The following PAFAH1B1 variants were observed in gnomAD, a reference collection of about 807,000 sequenced individuals.
The protein encoded by PAFAH1B1 is platelet-activating factor acetylhydrolase IB subunit beta.
In PAFAH1B1, 2 loss-of-function variants were observed where a neutral mutation model predicts 57.5. That is an observed-to-expected ratio of 0.03 (90% CI 0.01 to 0.11). The LOEUF (loss-of-function observed/expected upper bound fraction) is 0.11, where lower values mean the gene tolerates loss of function less well. PAFAH1B1 is among the 10% of genes least tolerant of loss of function. The pLI is 1.00. For missense variants in PAFAH1B1, 257 were observed against 512.0 expected (o/e 0.50, Z 4.81); for synonymous variants, 152 against 169.6 (o/e 0.90, Z 0.81).
chr17:2,660,178 A>T (rs189018167), intron 2 of PAFAH1B1, among the ~76,000 whole-genome samples: 1 of 149,944 alleles, frequency 6.7e-6, no homozygotes, highest in East Asian at 2.0e-4. Flanking sequence ...AATGCATGTT[A>T]TCTCCATTGC....
In PAFAH1B1 at chr17:2,680,279, T is replaced by C. The variant is rs2069360824; in HGVS notation, c.1118T>C (p.Met373Thr). 1.2e-6 allele frequency: 2 copies of C among 1,614,042 alleles called. No homozygotes were observed. Among genetic ancestry groups the C allele is most frequent in the Non-Finnish European group, 1.7e-6 (2 of 1,180,018 alleles). ...TGGGATTACAAGAACAAGCGATGCA[T>C]GAAGACCCTCAATGCGCATGAACAC... is the stretch of plus-strand genomic sequence containing the variant. Reference protein sequence around the residue: ...RVWDYKNKRCMKTLNAHEHFV... With the variant: ...RVWDYKNKRCTKTLNAHEHFV... The change falls in exon 10 of 11, where the codon ATG becomes ACG. Residue 373 changes from methionine (M) to threonine (T), a missense_variant. Physicochemically the swap from Met to Thr is moderately conservative, Grantham distance 81. Transcript: ENST00000397195.
At chr17:2,600,760 C>T (rs981308010) in intron 1 of PAFAH1B1, among the ~76,000 whole-genome samples, 10 of 152,074 alleles carry the variant, frequency 6.6e-5, no homozygotes, top group African/African-American at 1.9e-4. Flanking sequence ...GACGGACTCT[C>T]GCTGTGTTGC....
intron 2 of PAFAH1B1, among the ~76,000 whole-genome samples, chr17:2,657,650 AC>A (rs1222868023): frequency 3.9e-5 from 6 of 152,192 alleles, no homozygotes; most frequent in African/African-American, 2.4e-5. Flanking sequence ...GGTAATACTT[AC>A]TATTTCCTTT....
chr17:2,655,241 T>A (rs184906744), intron 2 of PAFAH1B1, among the ~76,000 whole-genome samples: 1 of 151,912 alleles, frequency 6.6e-6, no homozygotes, highest in Non-Finnish European at 1.5e-5. Flanking sequence ...TGTAGGCATC[T>A]ATAAAGATGA....
At position 2,652,287 on chromosome 17, in the gene PAFAH1B1, T is replaced by A. The variant is rs7223817; in HGVS notation, c.33-13085T>A. On this transcript the variant is annotated intron_variant, in intron 2 of 10. Transcript: ENST00000397195. ...AAAATTGGCCGGGCGTGGTGGCGGGTGCCTGTAGTCCCAGCTACTCGGGAG... is the reference window on the plus strand; with the variant it reads ...AAAATTGGCCGGGCGTGGTGGCGGGAGCCTGTAGTCCCAGCTACTCGGGAG... Among the ~76,000 whole-genome samples, 6 of 147,776 alleles carry A rather than the reference T, an allele frequency of 4.1e-5. No individual in the cohort carries two copies. The East Asian group carries it at 5.9e-4, about 15-fold the overall frequency.
rs1597502664 is a variant in PAFAH1B1, at chr17:2,593,984, G to A, written c.-213G>A. 1.3e-5 allele frequency: 5 copies of A among 394,594 alleles called. No homozygotes were observed. In the East Asian group the frequency reaches 1.8e-4, roughly 14 times the overall value. 24.4% of individuals were successfully genotyped at this position (394,594 alleles called of 1,614,324 possible). A position where few individuals can be genotyped will look rare whatever the true frequency, so the allele number is the denominator to read the frequency against. On this transcript the variant is annotated 5_prime_UTR_variant, in exon 1 of 11. Coordinates refer to ENST00000397195, the MANE Select transcript of PAFAH1B1 (RefSeq NM_000430.4). ...GAGTGAAGGACGGAAGAGGCCCTGCGGAGGCGGCGGTGCAGCGCTCCGGTA... is the reference window on the plus strand; with the variant it reads ...GAGTGAAGGACGGAAGAGGCCCTGCAGAGGCGGCGGTGCAGCGCTCCGGTA...
chr17:2,672,806 A>C, intron 7 of PAFAH1B1, 49 bp downstream of exon 7: 8 of 1,177,646 alleles, frequency 6.8e-6, no homozygotes, highest in South Asian at 1.2e-5. Flanking sequence ...GCAGTGGCTC[A>C]CACCTGTCAT....
In PAFAH1B1 at chr17:2,683,515, A is replaced by G. The variant is rs538507903; in HGVS notation, c.*1713A>G. 38 of 152,356 alleles carry G rather than the reference A, an allele frequency of 2.5e-4. No homozygotes were observed. Among genetic ancestry groups the G allele is most frequent in the African/African-American group, 8.7e-4 (36 of 41,592 alleles). The allele number at this position is 152,356 out of a possible 1,614,324, so 9.4% of individuals were successfully genotyped here. ...CGTCCTGTAGATACACACAGAGACT[A>G]GGCCGTATATTAACTAGAAGCAGCT... On this transcript the variant is annotated 3_prime_UTR_variant, in exon 11 of 11. Transcript: ENST00000397195.
chr17:2,645,092 C>G (rs1287999414), intron 2 of PAFAH1B1, among the ~76,000 whole-genome samples: 1 of 151,936 alleles, frequency 6.6e-6, no homozygotes, highest in Non-Finnish European at 1.5e-5. Flanking sequence ...ACAAAAAATA[C>G]AAAAATTAGC....
At chr17:2,676,421 T>G (rs185595790) in intron 8 of PAFAH1B1, 84 bp from the exon 9 acceptor site, 2 of 865,094 alleles carry the variant, frequency 2.3e-6, no homozygotes, top group Non-Finnish European at 3.9e-6. Context: ...ATTGGAAATA[T>G]ATATCATTAT....
chr17:2,597,083 A>T (rs1350934604), intron 1 of PAFAH1B1, among the ~76,000 whole-genome samples: 1 of 152,044 alleles, frequency 6.6e-6, no homozygotes, highest in Non-Finnish European at 1.5e-5. Flanking sequence ...AAAACCCCAC[A>T]CACTGAGTGG....
At chr17:2,613,284 A>C (rs2068289001) in intron 1 of PAFAH1B1, 3 of 207,374 alleles carry the variant, frequency 1.4e-5, no homozygotes, top group Non-Finnish European at 3.3e-5. Flanking sequence ...CCACTTCAGC[A>C]CAGAGGCTGG....
intron 1 of PAFAH1B1, among the ~76,000 whole-genome samples, chr17:2,636,901 CTG>C (rs1364323204): frequency 6.6e-6 from 1 of 151,958 alleles, no homozygotes; most frequent in Non-Finnish European, 1.5e-5. Flanking sequence ...TTAAAATTTT[CTG>C]TAGAGACGGG....
chr17:2,647,272 A>G (rs1337129275), intron 2 of PAFAH1B1, among the ~76,000 whole-genome samples: 1 of 152,172 alleles, frequency 6.6e-6, no homozygotes, highest in Non-Finnish European at 1.5e-5. Context: ...GAGCTGAGGC[A>G]CGAGAATTGC....
In PAFAH1B1 at chr17:2,593,916, TTCCTCCCTCCC is replaced by T. The variant is rs2068052994; in HGVS notation, c.-280_-270del. 7.7e-6 allele frequency: 1 copy of T among 130,518 alleles called. No homozygotes were observed. The highest frequency in any genetic ancestry group is 1.5e-5 in the Non-Finnish European group (1 of 68,666). The allele number at this position is 130,518 out of a possible 1,614,324, so 8.1% of individuals were successfully genotyped here. A position where few individuals can be genotyped will look rare whatever the true frequency, so the allele number is the denominator to read the frequency against. On this transcript the variant is annotated 5_prime_UTR_variant, in exon 1 of 11. Transcript: ENST00000397195. ...CCCCCCTCCTTCCCTCCCTCCCTCC[TTCCTCCCTCCC>T]CTCTCCCTCCCCCTCCCCCGCCGGT...
At chr17:2,598,794 A>G (rs1020128618) in intron 1 of PAFAH1B1, among the ~76,000 whole-genome samples, 2 of 152,142 alleles carry the variant, frequency 1.3e-5, no homozygotes, top group African/African-American at 4.8e-5. Flanking sequence ...TGTAAGCGTA[A>G]TAGTTAACTG....
chr17:2,644,312 CG>C (rs1382993328), intron 2 of PAFAH1B1, among the ~76,000 whole-genome samples: 5 of 152,002 alleles, frequency 3.3e-5, no homozygotes, highest in Admixed American at 3.3e-4. Flanking sequence ...GAGGCCGAGA[CG>C]GGTGCATGAC....
chr17:2,660,708 AAAC>A (rs2069003211), intron 2 of PAFAH1B1, among the ~76,000 whole-genome samples: 1 of 152,214 alleles, frequency 6.6e-6, no homozygotes, highest in African/African-American at 2.4e-5. Flanking sequence ...GTGCTGCAGT[AAAC>A]ATGTGTGCAT....
chr17:2,674,731 G>C (rs1277736134), intron 8 of PAFAH1B1, among the ~76,000 whole-genome samples: 1 of 152,170 alleles, frequency 6.6e-6, no homozygotes, highest in East Asian at 1.9e-4. Context: ...TTTTTTAAAT[G>C]AAGACTAATC....
Sources: gnomAD v4.1 joint callset for allele counts (sites outside exome capture counted in the v4.1 genomes callset) on GRCh38, gnomAD v4.1.1 for gene constraint, MANE v1.5 for transcripts, NCBI Gene and HGNC (gene_info 2026-07-23, HGNC 2026-07-21) for gene names.